Variants in MIER3 observed in about 807,000 individuals in gnomAD.
MIER3 encodes mesoderm induction early response protein 3.
MIER3 carries 9 observed loss-of-function variants against 63.2 expected under a neutral mutation model. The ratio of observed to expected loss-of-function variants is 0.14; its 90% CI spans 0.09 to 0.25. MIER3 has a LOEUF of 0.25. Among genes scored for constraint, MIER3 ranks in the 10% least tolerant of loss-of-function variants. MIER3 has a pLI of 1.00. For missense variants in MIER3, 512 were observed against 666.2 expected (o/e 0.77, Z 2.55); for synonymous variants, 205 against 224.9 (o/e 0.91, Z 0.79).
At chr5:56,939,220 T>A (rs149436310) in intron 3 of MIER3, among the ~76,000 whole-genome samples, 1 of 152,374 alleles carries the variant, frequency 6.6e-6, no homozygotes, top group Non-Finnish European at 1.5e-5. Context: ...AACAACAGCC[T>A]AACAATTAAC....
intron 2 of MIER3, 123 bp downstream of exon 2, chr5:56,950,505 C>T (rs1750982283): frequency 9.7e-7 from 1 of 1,036,202 alleles, no homozygotes; most frequent in Admixed American, 2.5e-5. Flanking sequence ...CACACTGAAA[C>T]TCTTAAAAAT....
chr5:56,949,442 C>T (rs74455703), intron 2 of MIER3, among the ~76,000 whole-genome samples: 1 of 152,064 alleles, frequency 6.6e-6, no homozygotes. Context: ...GTCAGTGATA[C>T]CAAATGGAAA....
At chr5:56,946,816 G>T in intron 3 of MIER3, 110 bp downstream of exon 3, 1 of 775,914 alleles carries the variant, frequency 1.3e-6, no homozygotes, top group Non-Finnish European at 1.9e-6. Flanking sequence ...AAATAAGAGT[G>T]AAAAAAAAAA....
At chr5:56,944,376 G>A (rs1167180764) in intron 3 of MIER3, among the ~76,000 whole-genome samples, 1 of 152,012 alleles carries the variant, frequency 6.6e-6, no homozygotes, top group Non-Finnish European at 1.5e-5. Flanking sequence ...AGCTATTCAG[G>A]AAGCTGAGGC....
intron 5 of MIER3, among the ~76,000 whole-genome samples, chr5:56,936,508 C>A (rs1223499564): frequency 6.6e-6 from 1 of 151,614 alleles, no homozygotes; most frequent in African/African-American, 2.4e-5. Context: ...TTAGTCCAAA[C>A]ATTTTATTTA....
intron 1 of MIER3, among the ~76,000 whole-genome samples, chr5:56,951,877 G>A (rs1444353541): frequency 6.6e-6 from 1 of 150,674 alleles, no homozygotes; most frequent in Non-Finnish European, 1.5e-5. Flanking sequence ...CGGAGCCGCC[G>A]CGGCCTAGTC....
intron 8 of MIER3, among the ~76,000 whole-genome samples, chr5:56,932,705 C>T (rs1015827937): frequency 6.6e-6 from 1 of 152,142 alleles, no homozygotes; most frequent in African/African-American, 2.4e-5. Context: ...GGTACACAAG[C>T]GCTTAACAAA....
At position 56,923,148 on chromosome 5, in the gene MIER3, C is replaced by G. The variant is rs559901169; in HGVS notation, c.1633G>C (p.Ala545Pro). The G allele has an allele frequency of 1.2e-6, 2 of 1,613,738 alleles. No homozygotes were observed. The highest frequency in any genetic ancestry group is 3.3e-5 in the Admixed American group (2 of 59,950). ...FISAHALHQH[A>P]ALHSE ...TCAGGTCACTCAGAGTGTAGGGCCG[C>G]GTGCTGATGCAGAGCATGGGCACTG... The change falls in exon 13 of 13, where the codon GCG (alanine) becomes CCG (proline). Residue 545 changes from alanine to proline, a missense_variant. Ala to Pro is a conservative substitution (Grantham distance 27, BLOSUM62 -1). This residue lies in a region of MIER3 where 218 missense variants were observed against 251.2 expected (regional missense o/e 0.87). Coordinates refer to ENST00000381199, the MANE Select transcript of MIER3 (RefSeq NM_001297599.2).
At chr5:56,935,868 A>G (rs1375265996) in intron 5 of MIER3, 117 bp from the exon 6 acceptor site, 1 of 706,496 alleles carries the variant, frequency 1.4e-6, no homozygotes, top group East Asian at 2.7e-5. Flanking sequence ...AGTATACTAA[A>G]CCACCTGCAT....
Position 56,952,097 on chromosome 5 carries a change from C to A in MIER3, c.6G>T (p.Ala2=), listed in dbSNP as rs1262518991. 2 of 1,307,984 alleles carry A rather than the reference C, an allele frequency of 1.5e-6. No individual in the cohort carries two copies. The allele number at this position is 1,307,984 out of a possible 1,614,324, so 81.0% of individuals were successfully genotyped here. The stretch of plus-strand genomic sequence containing the variant: ...CCTGCCCGGTTTCCCTGCTCACCTC[C>A]GCCATATTGGTACCTTTAGGGCGAA... M[A]EASFGSSSPV... The change falls in exon 1 of 13, where the codon GCG becomes GCT. Residue 2 remains alanine (A), a synonymous_variant. Transcript: ENST00000381199.
chr5:56,951,925 C>T (rs1223096369), intron 1 of MIER3, among the ~76,000 whole-genome samples, 169 bp downstream of exon 1: 32 of 150,230 alleles, frequency 2.1e-4, no homozygotes, highest in Non-Finnish European at 1.5e-5. Context: ...TCCCGCCCCC[C>T]GGCCAGCCCC....
At chr5:56,929,692 C>T (rs974794215) in intron 9 of MIER3, 10 of 152,188 alleles carry the variant, frequency 6.6e-5, no homozygotes, top group Non-Finnish European at 1.2e-4. Flanking sequence ...AAATAAGAAA[C>T]AGTCCATGCT....
rs758516025 is a variant in MIER3, at chr5:56,923,598, G to A, written c.1196-13C>T. 6.2e-7 allele frequency: 1 copy of A among 1,611,358 alleles called. No homozygotes were observed. Among genetic ancestry groups the A allele is most frequent in the Non-Finnish European group, 8.5e-7 (1 of 1,177,982 alleles). ...CTGTTGGTCAAAGCTAAAAAGGAATGGAAAATTGTTTAAGTAAGTGGTCCT... is the reference window on the plus strand; with the variant it reads ...CTGTTGGTCAAAGCTAAAAAGGAATAGAAAATTGTTTAAGTAAGTGGTCCT... On this transcript the variant is annotated splice_polypyrimidine_tract_variant and intron_variant, in intron 12 of 12. Coordinates refer to ENST00000381199, the MANE Select transcript of MIER3 (RefSeq NM_001297599.2).
chr5:56,949,841 C>G lies in MIER3; in HGVS notation c.34+787G>C, dbSNP rs575553815. Among the ~76,000 whole-genome samples the G allele has an allele frequency of 2.6e-5, 4 of 152,266 alleles. No individual in the cohort carries two copies. The East Asian group carries it at 5.8e-4, about 22-fold the overall frequency. ...CTGTAGACTAGGAGAGGGAAGACAG[C>G]AAAGAGGTAAGCTAGAAAGGAAATG... On this transcript the variant is annotated intron_variant, in intron 2 of 12. Coordinates refer to ENST00000381199, the MANE Select transcript of MIER3 (RefSeq NM_001297599.2).
intron 9 of MIER3, among the ~76,000 whole-genome samples, chr5:56,929,795 AG>A (rs1750194511): frequency 6.6e-6 from 1 of 152,186 alleles, no homozygotes; most frequent in Non-Finnish European, 1.5e-5. Flanking sequence ...AGGTCTTCAA[AG>A]AGTCACAGCC....
intron 8 of MIER3, among the ~76,000 whole-genome samples, chr5:56,931,281 A>C (rs1282332478): frequency 6.6e-6 from 1 of 152,224 alleles, no homozygotes; most frequent in Admixed American, 6.5e-5. Context: ...GCTTGGAATT[A>C]TGAACATAAT....
At position 56,923,756 on chromosome 5, in the gene MIER3, C is replaced by T. The variant is rs199869699; in HGVS notation, c.1130G>A (p.Arg377Gln). The stretch of plus-strand genomic sequence containing the variant: ...CTGTTGATCAGGAATAGGCTCAGGC[C>T]GGTTAGAAGTTAAGGCTGAAGCATT... Reference protein sequence around the residue: ...TVNASALTSNRPEPIPDQQLN... With the variant: ...TVNASALTSNQPEPIPDQQLN... Residue 377 changes from arginine (R) to glutamine (Q), a missense_variant, in exon 12 of 13, where the codon CGG (arginine) becomes CAG (glutamine). Coordinates refer to ENST00000381199, the MANE Select transcript of MIER3 (RefSeq NM_001297599.2). The T allele has an allele frequency of 1.5e-5, 25 of 1,614,124 alleles. No homozygotes were observed. Among genetic ancestry groups the T allele is most frequent in the Middle Eastern group, 1.6e-4 (1 of 6,062 alleles).
chr5:56,929,345 A>C (rs1306979097), intron 9 of MIER3: 1 of 152,498 alleles, frequency 6.6e-6, no homozygotes, highest in Admixed American at 6.6e-5. Flanking sequence ...GCGCAGGAGG[A>C]TCACTTGAGC....
chr5:56,930,124 G>C (rs1410746884), intron 9 of MIER3, among the ~76,000 whole-genome samples: 7 of 151,868 alleles, frequency 4.6e-5, no homozygotes, highest in Non-Finnish European at 7.4e-5. Flanking sequence ...TTTAATGAAA[G>C]CTATGGTGCA....
Sources: allele counts gnomAD v4.1 joint callset (sites outside exome capture counted in the v4.1 genomes callset), GRCh38; gene constraint gnomAD v4.1.1; regional missense constraint gnomAD v4.1.1; transcripts MANE v1.5; gene names NCBI Gene and HGNC (gene_info 2026-07-23, HGNC 2026-07-21).